The following XXYLT1 variants were observed in gnomAD, a reference collection of about 807,000 sequenced individuals.
XXYLT1 encodes the protein UDP-xylose:alpha-xyloside alpha-1,3-xylosyltransferase.
In XXYLT1, 20 loss-of-function variants were observed where a neutral mutation model predicts 28.9. That is an observed-to-expected ratio of 0.69 (90% CI 0.49 to 1.00). The LOEUF (loss-of-function observed/expected upper bound fraction) is 1.00. Ranked by LOEUF, XXYLT1 falls within the 50% of genes least tolerant of loss-of-function variation. The probability of loss-of-function intolerance (pLI) is 0.00; values close to 1 mark genes in which losing one functional copy is unlikely to be tolerated. For missense variants in XXYLT1, 542 were observed against 560.1 expected (o/e 0.97, Z 0.33); for synonymous variants, 257 against 253.8 (o/e 1.01, Z -0.12).
At chr3:195,175,564 C>A in intron 2 of XXYLT1, 1 of 1,533,976 alleles carries the variant, frequency 6.5e-7, no homozygotes, top group Non-Finnish European at 8.7e-7. Context: ...AGTTAGGACA[C>A]AGGTCTGGGT....
chr3:195,174,276 C>A (rs1051933252), intron 2 of XXYLT1, among the ~76,000 whole-genome samples: 4 of 152,140 alleles, frequency 2.6e-5, no homozygotes, highest in African/African-American at 9.7e-5. Context: ...AGAGGAAACA[C>A]ACGGGCTCTC....
At chr3:195,227,020 G>A (rs192623009) in intron 1 of XXYLT1, among the ~76,000 whole-genome samples, 164 bp from the exon 2 acceptor site, 90 of 152,202 alleles carry the variant, frequency 5.9e-4, no homozygotes, top group African/African-American at 2.0e-3. Flanking sequence ...TTAAGGAAAC[G>A]AGAAACAACC....
At chr3:195,192,886 C>A (rs1166527347) in intron 2 of XXYLT1, among the ~76,000 whole-genome samples, 1 of 152,158 alleles carries the variant, frequency 6.6e-6, no homozygotes, top group Non-Finnish European at 1.5e-5. Flanking sequence ...TGTTAAAAAT[C>A]TCAAGGAATC....
In XXYLT1 at chr3:195,256,573, A is replaced by T; in HGVS notation, c.504+13982T>A. Reference sequence around the variant, plus strand: ...GCCTCCTCACACCCCGCAACTTCTCACCCGCACATTCAGGATGGGGTCTGG... The same window carrying T: ...GCCTCCTCACACCCCGCAACTTCTCTCCCGCACATTCAGGATGGGGTCTGG... On this transcript the variant is annotated intron_variant, in intron 1 of 3. Coordinates refer to ENST00000310380, the MANE Select transcript of XXYLT1 (RefSeq NM_152531.5). The surrounding 1 kb of genome is among the most constrained non-coding windows in gnomAD (Gnocchi z 4.2). The T allele has an allele frequency of 1.0e-6, 1 of 983,894 alleles. No individual in the cohort carries two copies. Among genetic ancestry groups the T allele is most frequent in the Non-Finnish European group, 1.2e-6 (1 of 828,722 alleles). The allele number at this position is 983,894 out of a possible 1,614,324, so 60.9% of individuals were successfully genotyped here.
chr3:195,221,323 T>A (rs1054851266), intron 2 of XXYLT1, among the ~76,000 whole-genome samples: 1 of 152,240 alleles, frequency 6.6e-6, no homozygotes, highest in African/African-American at 2.4e-5. Flanking sequence ...TCATGTTGCC[T>A]GCCCTCATTG....
In XXYLT1 at chr3:195,257,061, G is replaced by A. The variant is rs74718347; in HGVS notation, c.504+13494C>T. ...TCAGGCTGGATGACTTTCTGCAGGA[G>A]AACCCGTGACAAGAGGGACCGGGAA... On this transcript the variant is annotated intron_variant, in intron 1 of 3. Transcript: ENST00000310380. This position sits in a 1 kb window ranked among gnomAD's most constrained non-coding sequence, Gnocchi z 4.3. Among the ~76,000 whole-genome samples the A allele has an allele frequency of 8.2e-3, 1,244 of 152,332 alleles. 8 individuals are homozygous for A. The highest frequency in any genetic ancestry group is 0.014 in the Non-Finnish European group (945 of 68,026).
At chr3:195,232,453 C>G (rs1351779472) in intron 1 of XXYLT1, among the ~76,000 whole-genome samples, 2 of 151,972 alleles carry the variant, frequency 1.3e-5, no homozygotes, top group Non-Finnish European at 2.9e-5. Context: ...TGTTGCTTTT[C>G]TAGTTCTAAG....
intron 2 of XXYLT1, among the ~76,000 whole-genome samples, chr3:195,187,070 T>C (rs1722230221): frequency 6.6e-6 from 1 of 151,352 alleles, no homozygotes; most frequent in Non-Finnish European, 1.5e-5. Context: ...AATTTTTATA[T>C]TTTTAATAGA....
rs1232963331 is a variant in XXYLT1 at position 195,076,522 on chromosome 3, ATT to A, written c.786-6413_786-6412del. On this transcript the variant is annotated intron_variant, in intron 3 of 3. Transcript: ENST00000310380. The surrounding 1 kb of genome is among the most constrained non-coding windows in gnomAD (Gnocchi z 5.3). ...TGTTACAGCCTGCACAGTGGGCCTC[ATT>A]TTTACCTAAAGACCACTGGGCTCTG... 4.6e-5 allele frequency among the ~76,000 whole-genome samples: 7 copies of A among 152,134 alleles called. No individual in the cohort carries two copies. Among genetic ancestry groups the A allele is most frequent in the Non-Finnish European group, 1.0e-4 (7 of 68,020 alleles).
intron 1 of XXYLT1, among the ~76,000 whole-genome samples, chr3:195,258,378 T>G (rs187103766): frequency 7.2e-5 from 11 of 152,274 alleles, no homozygotes; most frequent in Middle Eastern, 3.4e-3. Context: ...CAAAAATGAC[T>G]ATAAACAGTT....
chr3:195,081,268 G>A (rs1313248302), intron 3 of XXYLT1, among the ~76,000 whole-genome samples: 2 of 152,126 alleles, frequency 1.3e-5, no homozygotes, highest in African/African-American at 4.8e-5. Flanking sequence ...GAAAGCCACT[G>A]AGTTATTTTA....
Position 195,129,589 on chromosome 3 carries a change from T to C in XXYLT1, c.785+26860A>G, listed in dbSNP as rs914421209. ...TCATTCCCTCTATGGCCAAATAACA[T>C]TTCATCATATTTTGCTTTTCCATTC... is the stretch of plus-strand genomic sequence containing the variant. On this transcript the variant is annotated intron_variant, in intron 3 of 3. Coordinates refer to ENST00000310380, the MANE Select transcript of XXYLT1 (RefSeq NM_152531.5). This position sits in a 1 kb window ranked among gnomAD's most constrained non-coding sequence, Gnocchi z 4.4. Among the ~76,000 whole-genome samples, 3 of 152,192 alleles carry C rather than the reference T, an allele frequency of 2.0e-5. No homozygotes were observed. Among genetic ancestry groups the C allele is most frequent in the Non-Finnish European group, 4.4e-5 (3 of 68,028 alleles).
intron 3 of XXYLT1, among the ~76,000 whole-genome samples, chr3:195,112,582 C>T (rs73206639): frequency 0.47 from 68,496 of 145,890 alleles, 16,761 homozygotes; most frequent in Middle Eastern, 0.55. Context: ...CACACACGCA[C>T]GCACACACAC....
chr3:195,110,247 TGG>T (rs1560100515), intron 3 of XXYLT1, among the ~76,000 whole-genome samples: 5 of 40,954 alleles, frequency 1.2e-4, no homozygotes, highest in African/African-American at 1.7e-4. Context: ...TGTGCGTGTG[TGG>T]GTGAAGTGTG....
intron 3 of XXYLT1, among the ~76,000 whole-genome samples, chr3:195,088,953 A>C (rs1274793291): frequency 6.6e-6 from 1 of 152,144 alleles, no homozygotes; most frequent in Non-Finnish European, 1.5e-5. Context: ...GAATGAAATG[A>C]AGCAAGAAGG....
intron 3 of XXYLT1, among the ~76,000 whole-genome samples, chr3:195,101,417 T>A (rs1485745842): frequency 6.6e-6 from 1 of 152,244 alleles, no homozygotes; most frequent in African/African-American, 2.4e-5. Flanking sequence ...AAACACATCC[T>A]CTTTTGCAAA....
intron 1 of XXYLT1, among the ~76,000 whole-genome samples, chr3:195,234,425 T>C (rs1405705735): frequency 6.7e-6 from 1 of 149,888 alleles, no homozygotes; most frequent in East Asian, 2.0e-4. Flanking sequence ...TTAAAGCGAT[T>C]GTCCTGCCTC....
chr3:195,084,810 A>G (rs60725618), intron 3 of XXYLT1, among the ~76,000 whole-genome samples: 3,939 of 152,282 alleles, frequency 0.026, 156 homozygotes, highest in African/African-American at 0.09. Context: ...AGCACAGTGA[A>G]TCACACAGAC....
chr3:195,233,095 T>C (rs1724369827), intron 1 of XXYLT1, among the ~76,000 whole-genome samples: 1 of 152,168 alleles, frequency 6.6e-6, no homozygotes, highest in South Asian at 2.1e-4. Context: ...TATATCCTTA[T>C]GCTGAATTGA....
Sources: gnomAD v4.1 joint callset for allele counts (sites outside exome capture counted in the v4.1 genomes callset) on GRCh38, gnomAD v4.1.1 for gene constraint, Gnocchi (gnomAD v3.1) non-coding constraint, MANE v1.5 for transcripts, NCBI Gene and HGNC (gene_info 2026-07-23, HGNC 2026-07-21) for gene names.